The following CR1L variants were observed in gnomAD, a reference collection of about 807,000 sequenced individuals.
CR1L encodes complement C3b/C4b receptor 1 like.
CR1L carries 59 observed loss-of-function variants against 62.3 expected under a neutral mutation model. The observed-to-expected ratio is 0.95, with a 90% confidence interval of 0.77 to 1.18. The LOEUF is 1.18. Among genes scored for constraint, CR1L ranks in the 50% most tolerant of loss-of-function variants. The pLI, the probability that CR1L is intolerant of heterozygous loss-of-function variation, is 0.00. For missense variants in CR1L, 700 were observed against 702.8 expected, an observed-to-expected ratio of 1.00 and a Z score of 0.04; for synonymous variants, 279 against 248.7, an observed-to-expected ratio of 1.12 and a Z score of -1.15.
intron 1 of CR1L, among the ~76,000 whole-genome samples, chr1:207,651,964 T>G (rs1663229992): frequency 6.6e-6 from 1 of 152,268 alleles, no homozygotes; most frequent in African/African-American, 2.4e-5. Flanking sequence ...TTTAGAATAT[T>G]TGAGTTCATA....
intron 1 of CR1L, chr1:207,657,316 T>C: frequency 9.1e-7 from 1 of 1,100,570 alleles, no homozygotes; most frequent in Non-Finnish European, 1.4e-6. Context: ...CTCCAGAGTG[T>C]AAAAGTCACC....
intron 9 of CR1L, chr1:207,701,826 T>C (rs949802494): frequency 6.4e-6 from 5 of 783,696 alleles, no homozygotes; most frequent in African/African-American, 3.4e-5. Flanking sequence ...AGTGCACACA[T>C]AAAGAGTATG....
intron 1 of CR1L, among the ~76,000 whole-genome samples, chr1:207,676,219 A>G (rs190481714): frequency 6.6e-6 from 1 of 152,348 alleles, no homozygotes; most frequent in Non-Finnish European, 1.5e-5. Context: ...TCTTCAAACT[A>G]GCAGAGACTT....
Position 207,717,577 on chromosome 1 carries a change from A to G in CR1L, c.1528A>G (p.Arg510Gly), listed in dbSNP as rs761152306. 6 of 1,613,842 alleles carry G rather than the reference A, an allele frequency of 3.7e-6. No homozygotes were observed. Among genetic ancestry groups the G allele is most frequent in the Non-Finnish European group, 5.1e-6 (6 of 1,179,872 alleles). ...VSYTCDPHPDRGMTFNLIGES... is the reference protein window; with the variant it reads ...VSYTCDPHPDGGMTFNLIGES... ...TTACACATGTGACCCCCACCCAGAC[A>G]GAGGGATGACCTTCAACCTCATTGG... The change falls in exon 11 of 12, where the codon AGA becomes GGA. Residue 510 changes from arginine to glycine, a missense_variant. Physicochemically the swap from Arg to Gly is moderately radical, Grantham distance 125. Coordinates refer to ENST00000508064, the MANE Select transcript of CR1L (RefSeq NM_175710.2).
chr1:207,673,434 G>A (rs1364153102), intron 1 of CR1L, among the ~76,000 whole-genome samples: 1 of 152,216 alleles, frequency 6.6e-6, no homozygotes, highest in African/African-American at 2.4e-5. Flanking sequence ...TAAAGGGTAA[G>A]TATGCAGAAT....
intron 9 of CR1L, among the ~76,000 whole-genome samples, chr1:207,705,046 G>A (rs879075334): frequency 2.0e-5 from 3 of 152,166 alleles, no homozygotes; most frequent in East Asian, 1.9e-4. Flanking sequence ...CCTTCATTGC[G>A]TCTTCCAGCT....
At chr1:207,720,506 G>A (rs947605233) in intron 11 of CR1L, among the ~76,000 whole-genome samples, 15 of 152,046 alleles carry the variant, frequency 9.9e-5, no homozygotes, top group African/African-American at 3.6e-4. Context: ...AAGAGAAAAA[G>A]GAACCTTTGA....
intron 1 of CR1L, among the ~76,000 whole-genome samples, chr1:207,656,615 G>A (rs1287825339): frequency 1.3e-5 from 2 of 152,164 alleles, no homozygotes; most frequent in African/African-American, 4.8e-5. Flanking sequence ...GAGGCCTCAG[G>A]AAACAACAAC....
intron 7 of CR1L, 64 bp from the exon 8 acceptor site, chr1:207,699,125 G>A: frequency 1.2e-6 from 2 of 1,606,624 alleles, no homozygotes; most frequent in Non-Finnish European, 1.7e-6. Context: ...CTGGGCCTTA[G>A]ATTGTGAACT....
At chr1:207,671,431 A>G (rs1343708380) in intron 1 of CR1L, among the ~76,000 whole-genome samples, 1 of 150,952 alleles carries the variant, frequency 6.6e-6, no homozygotes, top group Admixed American at 6.6e-5. Flanking sequence ...ATAAAAAATA[A>G]CAGAGGAACT....
chr1:207,720,951 C>T (rs924849446), intron 11 of CR1L, among the ~76,000 whole-genome samples: 6 of 152,122 alleles, frequency 3.9e-5, no homozygotes, highest in Non-Finnish European at 7.3e-5. Flanking sequence ...ATAGTCTCCC[C>T]ACCTTCTGGA....
intron 1 of CR1L, among the ~76,000 whole-genome samples, chr1:207,657,882 A>T (rs527445816): frequency 6.6e-6 from 1 of 152,340 alleles, no homozygotes; most frequent in East Asian, 1.9e-4. Context: ...AGTAGACCAT[A>T]TTCTAGACAA....
chr1:207,646,230 G>C (rs529920008), intron 1 of CR1L, among the ~76,000 whole-genome samples: 18 of 152,078 alleles, frequency 1.2e-4, no homozygotes, highest in African/African-American at 4.1e-4. Context: ...CTTTTCATTA[G>C]TTTGAGTCAT....
At chr1:207,686,654 T>C (rs1385802793) in intron 4 of CR1L, among the ~76,000 whole-genome samples, 1 of 152,248 alleles carries the variant, frequency 6.6e-6, no homozygotes, top group Non-Finnish European at 1.5e-5. Context: ...TCTATTAAAG[T>C]ATAATTCATG....
intron 1 of CR1L, among the ~76,000 whole-genome samples, chr1:207,652,370 G>A (rs556416139): frequency 6.6e-6 from 1 of 152,206 alleles, no homozygotes; most frequent in Non-Finnish European, 1.5e-5. Flanking sequence ...CTTAAAACAT[G>A]CAAATCCCAT....
At chr1:207,698,432 T>C (rs1464785031) in intron 7 of CR1L, among the ~76,000 whole-genome samples, 2 of 152,284 alleles carry the variant, frequency 1.3e-5, no homozygotes, top group Non-Finnish European at 2.9e-5. Flanking sequence ...ATGGCTGCTG[T>C]TAATATTTCC....
chr1:207,667,620 C>T (rs1663542780), intron 1 of CR1L, among the ~76,000 whole-genome samples: 1 of 152,184 alleles, frequency 6.6e-6, no homozygotes, highest in Non-Finnish European at 1.5e-5. Context: ...ACCACGCACT[C>T]CTCCTTTTCT....
chr1:207,699,579 T>C (rs1282986253), intron 8 of CR1L, among the ~76,000 whole-genome samples: 1 of 152,334 alleles, frequency 6.6e-6, no homozygotes, highest in South Asian at 2.1e-4. Context: ...TCTCTACTTC[T>C]TTTCTTTCTT....
intron 4 of CR1L, among the ~76,000 whole-genome samples, chr1:207,689,784 T>C (rs1484077595): frequency 6.6e-6 from 1 of 152,100 alleles, no homozygotes; most frequent in Non-Finnish European, 1.5e-5. Context: ...AGTGATTCAA[T>C]TTCTTTAATA....
Sources: allele counts gnomAD v4.1 joint callset (sites outside exome capture counted in the v4.1 genomes callset), GRCh38; gene constraint gnomAD v4.1.1; transcripts MANE v1.5; gene names NCBI Gene and HGNC (gene_info 2026-07-23, HGNC 2026-07-21).